The following ADAM22 variants were observed in gnomAD, a reference collection of about 807,000 sequenced individuals.
The protein encoded by ADAM22 is disintegrin and metalloproteinase domain-containing protein 22.
Under a neutral mutation model 144.6 loss-of-function variants are expected in ADAM22, and 65 were observed. That is an observed-to-expected ratio of 0.45 (90% CI 0.37 to 0.55). The LOEUF (loss-of-function observed/expected upper bound fraction) is 0.55, where lower values mean the gene tolerates loss of function less well. Ranked by LOEUF, ADAM22 falls within the 20% of genes least tolerant of loss-of-function variation. The probability of loss-of-function intolerance (pLI) is 0.00; values close to 1 mark genes in which losing one functional copy is unlikely to be tolerated. For missense variants in ADAM22, 974 were observed against 1,184.9 expected, an observed-to-expected ratio of 0.82 and a Z score of 2.61; for synonymous variants, 391 against 412.6, an observed-to-expected ratio of 0.95 and a Z score of 0.63.
chr7:88,178,331 G>A (rs1439846558), intron 26 of ADAM22, among the ~76,000 whole-genome samples: 2 of 152,070 alleles, frequency 1.3e-5, no homozygotes, highest in African/African-American at 4.8e-5. Flanking sequence ...CCACTGAACA[G>A]TTATAAAATT....
chr7:87,934,346 G>A lies in ADAM22; in HGVS notation c.-120G>A, dbSNP rs1283925917. On this transcript the variant is annotated 5_prime_UTR_variant, in exon 1 of 32. Transcript: ENST00000413139. ...GCAGCGCCACGGCCGCCGCAGCACC[G>A]GCCGGGGCTGGGTGGAGGTGGCCGC... 4 of 890,890 alleles carry A rather than the reference G, an allele frequency of 4.5e-6. No homozygotes were observed. Among genetic ancestry groups the A allele is most frequent in the East Asian group, 2.9e-5 (1 of 33,912 alleles). The allele number at this position is 890,890 out of a possible 1,614,324, so 55.2% of individuals were successfully genotyped here.
chr7:88,070,421 G>T (rs2282954), intron 3 of ADAM22, among the ~76,000 whole-genome samples: 1 of 152,058 alleles, frequency 6.6e-6, no homozygotes, highest in African/African-American at 2.4e-5. Context: ...ATAACAAAGC[G>T]TTTTAAAACT....
intron 3 of ADAM22, among the ~76,000 whole-genome samples, chr7:88,055,908 C>G (rs1808136571): frequency 6.6e-6 from 1 of 152,166 alleles, no homozygotes; most frequent in African/African-American, 2.4e-5. Flanking sequence ...ATCTTCAACC[C>G]CTATCATGAC....
intron 3 of ADAM22, among the ~76,000 whole-genome samples, chr7:88,045,528 C>A (rs989077406): frequency 1.3e-5 from 2 of 152,148 alleles, no homozygotes; most frequent in Admixed American, 6.5e-5. Flanking sequence ...TGTCACCTCA[C>A]GTACTTTTCA....
At chr7:88,154,326 T>C (rs1246698885) in intron 21 of ADAM22, among the ~76,000 whole-genome samples, 2 of 152,174 alleles carry the variant, frequency 1.3e-5, no homozygotes, top group African/African-American at 2.4e-5. Flanking sequence ...ATTTCATTTA[T>C]ATTCTTCCAA....
rs188903348 is a variant in ADAM22 at position 88,102,987 on chromosome 7, T to A, written c.391-5189T>A. Among the ~76,000 whole-genome samples, 106 of 152,280 alleles carry A rather than the reference T, an allele frequency of 7.0e-4. No homozygotes were observed. The Middle Eastern group carries it at 0.01, about 15-fold the overall frequency. ...TAAACATAAATCAGGCAAATGTGCT[T>A]CTCTGAAAGGAGACAATAGCCTATT... On this transcript the variant is annotated intron_variant, in intron 4 of 31. Transcript: ENST00000413139.
chr7:87,984,324 G>T (rs1174591851), intron 3 of ADAM22, among the ~76,000 whole-genome samples: 1 of 152,186 alleles, frequency 6.6e-6, no homozygotes, highest in East Asian at 1.9e-4. Context: ...GCTAACATCT[G>T]CCAGAGTGGT....
chr7:88,109,732 G>GA (rs113002143), intron 5 of ADAM22, among the ~76,000 whole-genome samples: 4,276 of 127,618 alleles, frequency 0.034, 79 homozygotes, highest in Non-Finnish European at 0.04. Context: ...AGAGAGAGAG[G>GA]AAAAAAAAAA....
At chr7:88,070,437 C>A (rs1812424201) in intron 3 of ADAM22, among the ~76,000 whole-genome samples, 1 of 152,166 alleles carries the variant, frequency 6.6e-6, no homozygotes, top group Non-Finnish European at 1.5e-5. Flanking sequence ...AAACTACACC[C>A]TTGACTTACT....
chr7:88,013,025 A>G (rs1441548544), intron 3 of ADAM22, among the ~76,000 whole-genome samples: 1 of 152,160 alleles, frequency 6.6e-6, no homozygotes, highest in Non-Finnish European at 1.5e-5. Flanking sequence ...AACATGGTAA[A>G]GTTCCCGGAG....
In ADAM22 at chr7:88,051,398, G is replaced by T. The variant is rs10270191; in HGVS notation, c.324-24228G>T. On this transcript the variant is annotated intron_variant, in intron 3 of 31. Coordinates refer to ENST00000413139, the MANE Select transcript of ADAM22 (RefSeq NM_001324418.2). ...AAAAAATGATGAGTTCATGTCATTT[G>T]TAGGGACATGGATGAAGCTGGAAAC... Among the ~76,000 whole-genome samples, 1,282 of 152,312 alleles carry T rather than the reference G, an allele frequency of 8.4e-3. 20 individuals are homozygous for T. The highest frequency in any genetic ancestry group is 0.03 in the African/African-American group (1,232 of 41,556).
chr7:87,989,303 C>A (rs1789197004), intron 3 of ADAM22, among the ~76,000 whole-genome samples: 1 of 151,978 alleles, frequency 6.6e-6, no homozygotes, highest in Admixed American at 6.6e-5. Flanking sequence ...GATTTTTATC[C>A]TGACTCATTT....
chr7:87,963,175 G>A (rs892511875), intron 2 of ADAM22, among the ~76,000 whole-genome samples: 5 of 152,084 alleles, frequency 3.3e-5, no homozygotes, highest in African/African-American at 7.2e-5. Flanking sequence ...TGGTGGAGAC[G>A]GTGAGGCATG....
At chr7:87,998,316 A>T in intron 3 of ADAM22, among the ~76,000 whole-genome samples, 2 of 152,150 alleles carry the variant, frequency 1.3e-5, no homozygotes, top group East Asian at 3.9e-4. Context: ...CAATCCAATC[A>T]AGTTGACACT....
intron 2 of ADAM22, among the ~76,000 whole-genome samples, chr7:87,936,575 T>G (rs1378105047): frequency 6.6e-6 from 1 of 152,168 alleles, no homozygotes; most frequent in Non-Finnish European, 1.5e-5. Flanking sequence ...ATGGCCAATC[T>G]TGTTTTGTCT....
At chr7:88,090,165 T>C (rs530908047) in intron 4 of ADAM22, among the ~76,000 whole-genome samples, 2 of 152,298 alleles carry the variant, frequency 1.3e-5, no homozygotes, top group Non-Finnish European at 2.9e-5. Flanking sequence ...TAAAATCTGT[T>C]TTTATGTTTT....
In ADAM22 at chr7:88,155,950, C is replaced by G. The variant is rs371408195; in HGVS notation, c.1851C>G (p.Leu617=). 1 of 1,613,258 alleles carries G rather than the reference C, an allele frequency of 6.2e-7. No individual in the cohort carries two copies. Residue 617 remains leucine (L), a synonymous_variant, in exon 22 of 32, where the codon CTC becomes CTG. Coordinates refer to ENST00000413139, the MANE Select transcript of ADAM22 (RefSeq NM_001324418.2). ...GCAATATCCCAAGGCTTGGAGAACT[C>G]GATGGTGAAATCACATCTACTTTAG... ...NIGNIPRLGE[L]DGEITSTLVV...
chr7:87,939,277 A>G (rs937626090), intron 2 of ADAM22, among the ~76,000 whole-genome samples: 4 of 152,244 alleles, frequency 2.6e-5, no homozygotes, highest in African/African-American at 9.6e-5. Flanking sequence ...ACATAGGTAC[A>G]TGGGAATCAG....
intron 3 of ADAM22, among the ~76,000 whole-genome samples, chr7:88,021,916 A>G (rs1797909436): frequency 1.3e-5 from 2 of 151,534 alleles, no homozygotes; most frequent in South Asian, 4.2e-4. Flanking sequence ...TCTGTCGCTC[A>G]GGCTGGGGTG....
Sources: gnomAD v4.1 joint callset for allele counts (sites outside exome capture counted in the v4.1 genomes callset) on GRCh38, gnomAD v4.1.1 for gene constraint, MANE v1.5 for transcripts, NCBI Gene and HGNC (gene_info 2026-07-23, HGNC 2026-07-21) for gene names.